The following ASCC3 variants were observed in gnomAD, a reference collection of about 807,000 sequenced individuals.
The protein encoded by ASCC3 is activating signal cointegrator 1 complex subunit 3, also known as ASC-1 complex subunit P200.
Under a neutral mutation model 256.3 loss-of-function variants are expected in ASCC3, and 158 were observed. The observed-to-expected ratio is 0.62, with a 90% confidence interval of 0.54 to 0.70. ASCC3 has a LOEUF of 0.70. Among genes scored for constraint, ASCC3 ranks in the 30% least tolerant of loss-of-function variants. ASCC3 has a pLI of 0.00. For synonymous variants in ASCC3, 948 were observed against 883.4 expected, an observed-to-expected ratio of 1.07 and a Z score of -1.30; for missense variants, 2,259 against 2,626.0, an observed-to-expected ratio of 0.86 and a Z score of 3.05.
intron 30 of ASCC3, among the ~76,000 whole-genome samples, chr6:100,615,150 G>C (rs192300952): frequency 3.7e-3 from 564 of 152,120 alleles, no homozygotes; most frequent in Middle Eastern, 0.024. Flanking sequence ...CGAGTAGCTG[G>C]GACTACAGGT....
intron 19 of ASCC3, 44 bp from the exon 20 acceptor site, chr6:100,650,758 T>C: frequency 1.3e-6 from 2 of 1,487,084 alleles, no homozygotes; most frequent in South Asian, 2.3e-5. Flanking sequence ...GGCTGATTTA[T>C]TTAAATTTTT....
chr6:100,774,743 A>G (rs1782107777), intron 8 of ASCC3, among the ~76,000 whole-genome samples: 1 of 152,076 alleles, frequency 6.6e-6, no homozygotes, highest in Non-Finnish European at 1.5e-5. Context: ...GGCTCAAGTT[A>G]TCCTCCCACC....
At chr6:100,523,284 T>G (rs1216435261) in intron 37 of ASCC3, among the ~76,000 whole-genome samples, 1 of 152,040 alleles carries the variant, frequency 6.6e-6, no homozygotes, top group African/African-American at 2.4e-5. Flanking sequence ...TTCTATCTTC[T>G]GTAAGCTTTA....
At chr6:100,878,401 C>T (rs1315120254) in intron 1 of ASCC3, among the ~76,000 whole-genome samples, 3 of 152,024 alleles carry the variant, frequency 2.0e-5, no homozygotes, top group Admixed American at 2.0e-4. Flanking sequence ...ATATTCCCCC[C>T]CAAAGTTGTG....
intron 8 of ASCC3, among the ~76,000 whole-genome samples, chr6:100,783,565 A>G (rs1488230005): frequency 6.6e-6 from 1 of 152,170 alleles, no homozygotes; most frequent in East Asian, 1.9e-4. Context: ...AATCTAGACT[A>G]CCAGAAACCC....
At chr6:100,552,317 T>C (rs1351834922) in intron 36 of ASCC3, among the ~76,000 whole-genome samples, 2 of 151,922 alleles carry the variant, frequency 1.3e-5, no homozygotes, top group Admixed American at 1.3e-4. Flanking sequence ...TAACCTACTT[T>C]AAAAAATATG....
chr6:100,562,344 A>T (rs1305006086), intron 36 of ASCC3, among the ~76,000 whole-genome samples: 1 of 152,058 alleles, frequency 6.6e-6, no homozygotes, highest in Non-Finnish European at 1.5e-5. Context: ...AAATTCCTCT[A>T]GGCTTCTATC....
intron 8 of ASCC3, among the ~76,000 whole-genome samples, chr6:100,778,079 T>A (rs948653336): frequency 7.1e-6 from 1 of 141,688 alleles, no homozygotes. Flanking sequence ...ATGGATCTGA[T>A]GATGACTTAA....
intron 10 of ASCC3, among the ~76,000 whole-genome samples, chr6:100,728,674 A>G (rs771144314): frequency 2.6e-5 from 4 of 152,172 alleles, no homozygotes; most frequent in Non-Finnish European, 5.9e-5. Flanking sequence ...CTATACAATA[A>G]AAATAAATAA....
intron 14 of ASCC3, among the ~76,000 whole-genome samples, chr6:100,676,750 GCACACACACACTCACA>G (rs1295318521): frequency 8.7e-6 from 1 of 115,268 alleles, no homozygotes; most frequent in Non-Finnish European, 1.8e-5. Context: ...GCGCGTGCGC[GCACACACACACTCACA>G]CACACACACA....
At chr6:100,514,275 T>C (rs1426948588) in intron 39 of ASCC3, among the ~76,000 whole-genome samples, 1 of 152,108 alleles carries the variant, frequency 6.6e-6, no homozygotes, top group East Asian at 1.9e-4. Flanking sequence ...GAACCCATAG[T>C]CACTAAGTAT....
intron 8 of ASCC3, among the ~76,000 whole-genome samples, chr6:100,777,667 C>T (rs1039326314): frequency 7.2e-5 from 11 of 151,908 alleles, no homozygotes; most frequent in Non-Finnish European, 1.2e-4. Flanking sequence ...AAATTTGAAA[C>T]CTCAGTACAT....
At chr6:100,624,386 GA>G (rs201882704) in intron 30 of ASCC3, among the ~76,000 whole-genome samples, 2,261 of 149,450 alleles carry the variant, frequency 0.015, 43 homozygotes, top group African/African-American at 0.053. Context: ...GTAAATATAT[GA>G]AAAAAAAATG....
intron 30 of ASCC3, among the ~76,000 whole-genome samples, chr6:100,608,399 TTA>T (rs200386379): frequency 0.14 from 3,663 of 25,310 alleles, 771 homozygotes; most frequent in East Asian, 0.31. Flanking sequence ...TATGTATACC[TTA>T]TATATATATA....
chr6:100,557,008 AG>A (rs1769614040), intron 36 of ASCC3, among the ~76,000 whole-genome samples: 1 of 152,182 alleles, frequency 6.6e-6, no homozygotes, highest in African/African-American at 2.4e-5. Context: ...GAACAATGGT[AG>A]GACTCCTCAG....
chr6:100,642,665 A>C lies in ASCC3; in HGVS notation c.3817T>G (p.Ser1273Ala). ...LPSQYYIRAV[S>A]DRWLGAEAVC... ...GCCTCAGCACCCAACCATCTATCAGACACTGCTCGGATGTAGTATTGGGAA... is the reference window on the plus strand; with the variant it reads ...GCCTCAGCACCCAACCATCTATCAGCCACTGCTCGGATGTAGTATTGGGAA... Residue 1273 changes from serine to alanine, a missense_variant, in exon 24 of 42, where the codon TCT becomes GCT. Physicochemically the swap from Ser to Ala is moderately conservative, Grantham distance 99. Coordinates refer to ENST00000369162, the MANE Select transcript of ASCC3 (RefSeq NM_006828.4). 1 of 1,614,006 alleles carries C rather than the reference A, an allele frequency of 6.2e-7. No homozygotes were observed. The highest frequency in any genetic ancestry group is 8.5e-7 in the Non-Finnish European group (1 of 1,179,898).
chr6:100,723,883 TA>T (rs1779477075), intron 11 of ASCC3, among the ~76,000 whole-genome samples: 4 of 138,986 alleles, frequency 2.9e-5, no homozygotes, highest in African/African-American at 5.3e-5. Context: ...TATATATATA[TA>T]TATATATATA....
At chr6:100,864,657 C>A (rs1179149156) in intron 2 of ASCC3, among the ~76,000 whole-genome samples, 5 of 152,102 alleles carry the variant, frequency 3.3e-5, no homozygotes, top group Non-Finnish European at 5.9e-5. Flanking sequence ...AAATTAGACT[C>A]CCATGACAGG....
intron 3 of ASCC3, among the ~76,000 whole-genome samples, chr6:100,851,176 T>A (rs528309781): frequency 6.6e-6 from 1 of 152,260 alleles, no homozygotes; most frequent in South Asian, 2.1e-4. Flanking sequence ...TAAACAAGAT[T>A]AACATTAGTC....
Sources: gnomAD v4.1 joint callset for allele counts (sites outside exome capture counted in the v4.1 genomes callset) on GRCh38, gnomAD v4.1.1 for gene constraint, MANE v1.5 for transcripts, NCBI Gene and HGNC (gene_info 2026-07-23, HGNC 2026-07-21) for gene names.